The following TMEM273 variants were observed in gnomAD, a reference collection of about 807,000 sequenced individuals.
TMEM273 encodes transmembrane protein 273.
Under a neutral mutation model 17.9 loss-of-function variants are expected in TMEM273, and 19 were observed. That is an observed-to-expected ratio of 1.06 (90% CI 0.74 to 1.55). TMEM273 has a LOEUF of 1.55. Among genes scored for constraint, TMEM273 ranks in the 40% most tolerant of loss-of-function variants. The probability of loss-of-function intolerance (pLI) is 0.00; values close to 1 mark genes in which losing one functional copy is unlikely to be tolerated. For missense variants in TMEM273, 194 were observed against 155.6 expected (o/e 1.25, Z -1.31); for synonymous variants, 66 against 62.0 (o/e 1.07, Z -0.31).
intron 5 of TMEM273, among the ~76,000 whole-genome samples, chr10:49,164,118 A>T (rs1276946535): frequency 1.3e-5 from 2 of 152,122 alleles, no homozygotes; most frequent in Non-Finnish European, 2.9e-5. Context: ...CTTACTAGAC[A>T]TCTCCTCTAC....
chr10:49,186,962 G>A (rs1356288172), intron 1 of TMEM273, among the ~76,000 whole-genome samples: 1 of 152,170 alleles, frequency 6.6e-6, no homozygotes, highest in Non-Finnish European at 1.5e-5. Context: ...TTTATTATTT[G>A]TGAGACTGGA....
At chr10:49,178,329 T>C in intron 1 of TMEM273, 2 of 456,732 alleles carry the variant, frequency 4.4e-6, no homozygotes, top group Non-Finnish European at 8.8e-6. Flanking sequence ...ATGTTCCACT[T>C]CGGGCAATAA....
rs190462575 is a variant in TMEM273 at position 49,166,551 on chromosome 10, A to G, written c.238+318T>C. 1.5e-3 allele frequency: 512 copies of G among 336,870 alleles called. 4 individuals are homozygous for G. The highest frequency in any genetic ancestry group is 0.01 in the African/African-American group (479 of 47,532). The allele number at this position is 336,870 out of a possible 1,614,324, so 20.9% of individuals were successfully genotyped here. ...GTTCCTCTCCCACCTTTCTCCAGGAAATGTGATTCTCAGGACTGCCAAGAG... is the reference window on the plus strand; with the variant it reads ...GTTCCTCTCCCACCTTTCTCCAGGAGATGTGATTCTCAGGACTGCCAAGAG... On this transcript the variant is annotated intron_variant, in intron 3 of 6. Transcript: ENST00000374153.
intron 1 of TMEM273, among the ~76,000 whole-genome samples, chr10:49,176,603 C>T (rs559276671): frequency 3.9e-5 from 6 of 152,234 alleles, no homozygotes; most frequent in Non-Finnish European, 7.3e-5. Flanking sequence ...AATATTCATA[C>T]TGTGCTCTTC....
At chr10:49,159,408 T>C (rs1367946161) in intron 6 of TMEM273, among the ~76,000 whole-genome samples, 1 of 152,190 alleles carries the variant, frequency 6.6e-6, no homozygotes. Flanking sequence ...TATAGCTGCA[T>C]AGTGCTCTAA....
In TMEM273 at chr10:49,161,624, T is replaced by C. The variant is rs1408741175; in HGVS notation, c.349-2A>G. On this transcript the variant is annotated splice_acceptor_variant, in intron 5 of 6. Transcript: ENST00000374153. LOFTEE classifies it high-confidence loss of function. ...CTTTTGGAGAAATTGTGGTTTCGCCTGCAAAACAAGATAAAAGGGTGTTCA... is the reference window on the plus strand; with the variant it reads ...CTTTTGGAGAAATTGTGGTTTCGCCCGCAAAACAAGATAAAAGGGTGTTCA... 5.6e-6 allele frequency: 9 copies of C among 1,614,196 alleles called. No homozygotes were observed. Among genetic ancestry groups the C allele is most frequent in the Non-Finnish European group, 7.6e-6 (9 of 1,180,020 alleles).
At chr10:49,176,240 G>T (rs1846957497) in intron 1 of TMEM273, among the ~76,000 whole-genome samples, 1 of 152,206 alleles carries the variant, frequency 6.6e-6, no homozygotes, top group Admixed American at 6.5e-5. Flanking sequence ...TATCCTAGGG[G>T]CCATGAGTGA....
intron 6 of TMEM273, among the ~76,000 whole-genome samples, chr10:49,156,568 A>AG (rs1479945431): frequency 1.4e-4 from 21 of 152,354 alleles, no homozygotes; most frequent in African/African-American, 4.8e-4. Context: ...ATAGACATCT[A>AG]GAATATAATA....
At chr10:49,168,434 G>A (rs1019509463) in intron 1 of TMEM273, among the ~76,000 whole-genome samples, 7 of 152,106 alleles carry the variant, frequency 4.6e-5, no homozygotes, top group Non-Finnish European at 5.9e-5. Context: ...GCTGATCCCA[G>A]TGTGCTCCGT....
In TMEM273 at chr10:49,188,267, C is replaced by T. The variant is rs1847845270; in HGVS notation, c.43+27G>A. The T allele has an allele frequency of 1.5e-5, 24 of 1,613,534 alleles. No homozygotes were observed. The East Asian group carries it at 5.1e-4, about 34-fold the overall frequency. On this transcript the variant is annotated intron_variant, in intron 1 of 6. Transcript: ENST00000374153. The stretch of plus-strand genomic sequence containing the variant: ...TCCTGCCCACTGAGGCTCCCCCGGG[C>T]CAGAGACCCCCGCAGTCCCCACTTA...
intron 1 of TMEM273, among the ~76,000 whole-genome samples, chr10:49,184,415 A>G (rs916440975): frequency 6.6e-6 from 1 of 152,368 alleles, no homozygotes; most frequent in Non-Finnish European, 1.5e-5. Flanking sequence ...AAACATACAA[A>G]TAATTAATAT....
intron 1 of TMEM273, among the ~76,000 whole-genome samples, chr10:49,177,206 A>G (rs1847038076): frequency 6.6e-6 from 1 of 152,234 alleles, no homozygotes; most frequent in Admixed American, 6.5e-5. Context: ...GTTCTGGGCA[A>G]TGCTCAGTCC....
chr10:49,164,788 A>AC (rs1333133458), intron 5 of TMEM273, among the ~76,000 whole-genome samples: 1 of 151,320 alleles, frequency 6.6e-6, no homozygotes, highest in Non-Finnish European at 1.5e-5. Context: ...AGCCCTCTGC[A>AC]CCCCCAAGAC....
chr10:49,173,494 G>A (rs1031945011), intron 1 of TMEM273, among the ~76,000 whole-genome samples: 4 of 152,108 alleles, frequency 2.6e-5, no homozygotes, highest in African/African-American at 7.2e-5. Flanking sequence ...CTTTTCCCTC[G>A]TCCCTGTGGA....
chr10:49,167,396 T>C (rs1377371287), intron 2 of TMEM273, among the ~76,000 whole-genome samples: 12 of 152,230 alleles, frequency 7.9e-5, no homozygotes, highest in South Asian at 2.1e-4. Flanking sequence ...GGAGAATGGA[T>C]AAGGCCTGTC....
chr10:49,166,607 GAC>G, intron 3 of TMEM273: 1 of 491,220 alleles, frequency 2.0e-6, no homozygotes, highest in South Asian at 2.2e-5. Context: ...GAGGGAAAGA[GAC>G]ACAGAAAGAC....
chr10:49,187,716 G>A (rs1847813022), intron 1 of TMEM273, among the ~76,000 whole-genome samples: 1 of 151,886 alleles, frequency 6.6e-6, no homozygotes, highest in Non-Finnish European at 1.5e-5. Context: ...CTTTGTTTTA[G>A]TCTTTGCCTC....
At chr10:49,165,880 C>T in intron 3 of TMEM273, 84 bp from the exon 4 acceptor site, 13 of 1,568,038 alleles carry the variant, frequency 8.3e-6, no homozygotes, top group East Asian at 2.2e-5. Context: ...CCTCCCTCTC[C>T]TTGGTCCTCT....
chr10:49,165,100 C>G (rs193182735), intron 5 of TMEM273, 105 bp downstream of exon 5: 2 of 1,412,402 alleles, frequency 1.4e-6, no homozygotes, highest in East Asian at 2.5e-5. Context: ...GCAAAATAGA[C>G]AAATCAATAT....
Sources: allele counts gnomAD v4.1 joint callset (sites outside exome capture counted in the v4.1 genomes callset), GRCh38; gene constraint gnomAD v4.1.1; transcripts MANE v1.5; gene names NCBI Gene and HGNC (gene_info 2026-07-23, HGNC 2026-07-21).